The following B4GALNT4 variants were observed in gnomAD, a reference collection of about 807,000 sequenced individuals.
The protein encoded by B4GALNT4 is N-acetyl-beta-glucosaminyl-glycoprotein 4-beta-N-acetylgalactosaminyltransferase 1.
Under a neutral mutation model 110.0 loss-of-function variants are expected in B4GALNT4, and 77 were observed. The observed-to-expected ratio is 0.70, with a 90% CI of 0.58 to 0.85. B4GALNT4 has a LOEUF of 0.85. B4GALNT4 is among the 40% of genes least tolerant of loss of function. B4GALNT4 has a pLI of 0.00. For synonymous variants in B4GALNT4, 785 were observed against 655.5 expected, an observed-to-expected ratio of 1.20 and a Z score of -3.02; for missense variants, 1,575 against 1,506.0, an observed-to-expected ratio of 1.05 and a Z score of -0.76.
At chr11:373,729 C>T (rs1590336050) in intron 7 of B4GALNT4, 21 bp from the exon 8 acceptor site, 2 of 1,611,032 alleles carry the variant, frequency 1.2e-6, no homozygotes, top group Non-Finnish European at 1.7e-6. Context: ...ATGGCACGAC[C>T]CTTGCTCCTC....
At chr11:372,991 G>C in intron 4 of B4GALNT4, 35 bp from the exon 5 acceptor site, 1 of 1,612,454 alleles carries the variant, frequency 6.2e-7, no homozygotes, top group Non-Finnish European at 8.5e-7. Flanking sequence ...AGGGCACGCA[G>C]GGGGCTTCGA....
chr11:380,162 A>G lies in B4GALNT4; in HGVS notation c.2675A>G (p.Glu892Gly). 1 of 1,603,954 alleles carries G rather than the reference A, an allele frequency of 6.2e-7. No homozygotes were observed. Among genetic ancestry groups the G allele is most frequent in the Admixed American group, 1.7e-5 (1 of 59,590 alleles). Residue 892 changes from glutamate (E) to glycine (G), a missense_variant, in exon 17 of 20, where the codon GAG (glutamate) becomes GGG (glycine). Physicochemically the swap from Glu to Gly is moderately conservative, Grantham distance 98. Transcript: ENST00000329962. Reference protein sequence around the residue: ...YQYLRRTGNFERSAGLQAGVD... With the variant: ...YQYLRRTGNFGRSAGLQAGVD... ...TACCTGAGACGAACCGGGAACTTCG[A>G]GCGCTCCGCCGGGCTGCAGGCGGGA... is the stretch of plus-strand genomic sequence containing the variant.
chr11:373,564 G>A (rs1406603077), intron 7 of B4GALNT4, 48 bp downstream of exon 7: 1 of 1,591,710 alleles, frequency 6.3e-7, no homozygotes, highest in Non-Finnish European at 8.6e-7. Context: ...ATTCGTGGGA[G>A]GGGGTTACGC....
In B4GALNT4 at chr11:377,029, G is replaced by C. The variant is rs1400474860; in HGVS notation, c.1906G>C (p.Gly636Arg). The C allele has an allele frequency of 3.5e-6, 5 of 1,439,440 alleles. No homozygotes were observed. Among genetic ancestry groups the C allele is most frequent in the South Asian group, 1.5e-5 (1 of 66,766 alleles). The allele number at this position is 1,439,440 out of a possible 1,614,324, so 89.2% of individuals were successfully genotyped here. The change falls in exon 14 of 20, where the codon GGG becomes CGG. Residue 636 changes from glycine (G) to arginine (R), a missense_variant. Transcript: ENST00000329962. Reference protein sequence around the residue: ...TSFLSLSQVSGPQLPGEGEEE... With the variant: ...TSFLSLSQVSRPQLPGEGEEE... ...CTTCCTGAGCTTGTCCCAGGTGTCC[G>C]GGCCGCAGCTGCCCGGGGAGGGCGA...
intron 6 of B4GALNT4, 47 bp downstream of exon 6, chr11:373,338 A>G: frequency 6.3e-7 from 1 of 1,584,580 alleles, no homozygotes; most frequent in Non-Finnish European, 8.6e-7. Flanking sequence ...CCTGCAGCTC[A>G]GTCACCTGTG....
At chr11:373,419 C>CCCGACA in intron 6 of B4GALNT4, 30 bp from the exon 7 acceptor site, 1 of 1,080,028 alleles carries the variant, frequency 9.3e-7, no homozygotes, top group Non-Finnish European at 1.3e-6. Context: ...CCCCCCCCCC[C>CCCGACA]ACCACCACCC....
chr11:379,969 G>C lies in B4GALNT4; in HGVS notation c.2592G>C (p.Glu864Asp), dbSNP rs773145606. 6 of 1,612,936 alleles carry C rather than the reference G, an allele frequency of 3.7e-6. No individual in the cohort carries two copies. Among genetic ancestry groups the C allele is most frequent in the South Asian group, 2.2e-5 (2 of 91,078 alleles). ...TCAGCGTCGTCCTGGTGGATTTCGAGAGCGAGGATATGGACGTGGAGCGGG... is the reference window on the plus strand; with the variant it reads ...TCAGCGTCGTCCTGGTGGATTTCGACAGCGAGGATATGGACGTGGAGCGGG... ...SRFSVVLVDFESEDMDVERAL... is the reference protein window; with the variant it reads ...SRFSVVLVDFDSEDMDVERAL... The change falls in exon 16 of 20, where the codon GAG becomes GAC. Residue 864 changes from glutamate to aspartate, a missense_variant. Coordinates refer to ENST00000329962, the MANE Select transcript of B4GALNT4 (RefSeq NM_178537.5).
chr11:373,709 C>T (rs757454845), intron 7 of B4GALNT4, 41 bp from the exon 8 acceptor site: 48 of 1,596,840 alleles, frequency 3.0e-5, no homozygotes, highest in Admixed American at 6.7e-5. Context: ...ACTATTTGAG[C>T]GTCCTGTGCA....
chr11:380,516 C>T (rs1846853331), intron 18 of B4GALNT4, 71 bp downstream of exon 18: 11 of 1,523,450 alleles, frequency 7.2e-6, no homozygotes, highest in East Asian at 2.5e-5. Flanking sequence ...TCCAGGAACC[C>T]GGGGCCTCTC....
intron 1 of B4GALNT4, among the ~76,000 whole-genome samples, chr11:370,486 G>A (rs1846597956): frequency 6.6e-6 from 1 of 152,166 alleles, no homozygotes; most frequent in Non-Finnish European, 1.5e-5. Context: ...TGTTGTGGGG[G>A]TCCATGCGTA....
At chr11:375,401 C>CT in intron 8 of B4GALNT4, 60 bp from the exon 9 acceptor site, 1 of 1,567,698 alleles carries the variant, frequency 6.4e-7, no homozygotes. Flanking sequence ...AGGGTAGACC[C>CT]TTTCTTCCCT....
chr11:375,873 G>A lies in B4GALNT4; in HGVS notation c.1012G>A (p.Glu338Lys). ...LTPRMESSSL[E>K]NVLEPCAYAP... Reference sequence around the variant, plus strand: ...TCCACGCATGGAATCTTCGAGCCTGGAGAACGTGCTGGAGCCCTGCGCCTA... The same window carrying A: ...TCCACGCATGGAATCTTCGAGCCTGAAGAACGTGCTGGAGCCCTGCGCCTA... The change falls in exon 11 of 20, where the codon GAG (glutamate) becomes AAG (lysine). Residue 338 changes from glutamate (E) to lysine (K), a missense_variant. Glu to Lys is a moderately conservative substitution (Grantham distance 56). Transcript: ENST00000329962. The A allele has an allele frequency of 1.9e-6, 3 of 1,611,390 alleles. No individual in the cohort carries two copies. The highest frequency in any genetic ancestry group is 2.5e-6 in the Non-Finnish European group (3 of 1,179,436).
At position 380,300 on chromosome 11, in the gene B4GALNT4, C is replaced by A; in HGVS notation, c.2724C>A (p.Ser908Arg). Residue 908 changes from serine (S) to arginine (R), a missense_variant, in exon 18 of 20, where the codon AGC becomes AGA. By Grantham distance (110) the Ser-to-Arg change is moderately radical. Coordinates refer to ENST00000329962, the MANE Select transcript of B4GALNT4 (RefSeq NM_178537.5). Reference sequence around the variant, plus strand: ...CCTCCCGCACCCCCCAGGACGCCAGCAGCATCGTGTTCCTCTGCGACCTGC... The same window carrying A: ...CCTCCCGCACCCCCCAGGACGCCAGAAGCATCGTGTTCCTCTGCGACCTGC... ...QAGVDAVEDA[S>R]SIVFLCDLHI... 1 of 1,613,108 alleles carries A rather than the reference C, an allele frequency of 6.2e-7. No homozygotes were observed. The highest frequency in any genetic ancestry group is 1.3e-5 in the African/African-American group (1 of 75,018).
At chr11:379,843 C>CCG in intron 15 of B4GALNT4, 23 bp from the exon 16 acceptor site, 1 of 1,574,062 alleles carries the variant, frequency 6.4e-7, no homozygotes, top group African/African-American at 1.3e-5. Context: ...GGCTCAGCGC[C>CCG]CCCCCCGCCT....
At chr11:375,565 G>C (rs1185759393) in intron 9 of B4GALNT4, 38 bp downstream of exon 9, 9 of 1,605,928 alleles carry the variant, frequency 5.6e-6, no homozygotes, top group Non-Finnish European at 6.8e-6. Flanking sequence ...GGGCTCCTCG[G>C]GATGGGCTCT....
At chr11:372,278 G>C in intron 2 of B4GALNT4, 66 bp downstream of exon 2, 1 of 1,444,264 alleles carries the variant, frequency 6.9e-7, no homozygotes, top group Non-Finnish European at 9.5e-7. Context: ...TTGTGTGTTG[G>C]TGTCTTGAGA....
Position 381,885 on chromosome 11 carries a change from G to A in B4GALNT4, c.*93G>A. On this transcript the variant is annotated 3_prime_UTR_variant, in exon 20 of 20. Transcript: ENST00000329962. ...CGGTCCCGAGAGACCCGGCAGGGCT[G>A]GTCAGAGGGGCACAGCCACCGCCTG... 1 of 1,375,828 alleles carries A rather than the reference G, an allele frequency of 7.3e-7. No homozygotes were observed. The highest frequency in any genetic ancestry group is 9.5e-7 in the Non-Finnish European group (1 of 1,053,624). The allele number at this position is 1,375,828 out of a possible 1,614,324, so 85.2% of individuals were successfully genotyped here.
At chr11:378,149 G>T (rs746584687) in intron 14 of B4GALNT4, among the ~76,000 whole-genome samples, 1 of 151,828 alleles carries the variant, frequency 6.6e-6, no homozygotes, top group Non-Finnish European at 1.5e-5. Flanking sequence ...GGAAGGTTGC[G>T]AGCAGAGCAA....
In B4GALNT4 at chr11:373,754, A is replaced by G. The variant is rs142526970; in HGVS notation, c.709A>G (p.Met237Val). The G allele has an allele frequency of 9.2e-5, 148 of 1,612,100 alleles. No individual in the cohort carries two copies. The highest frequency in any genetic ancestry group is 1.2e-4 in the Non-Finnish European group (137 of 1,179,826). The change falls in exon 8 of 20, where the codon ATG becomes GTG. Residue 237 changes from methionine (M) to valine (V), a missense_variant. Met to Val is a conservative substitution (Grantham distance 21). Transcript: ENST00000329962. ...SSQVSKPRRL[M>V]ASRRYYFELL... ...CCTTGCTCCTCGTGTCCCCAGGCTC[A>G]TGGCCTCCCGGAGGTACTACTTTGA...
Sources: gnomAD v4.1 joint callset for allele counts (sites outside exome capture counted in the v4.1 genomes callset) on GRCh38, gnomAD v4.1.1 for gene constraint, MANE v1.5 for transcripts, NCBI Gene and HGNC (gene_info 2026-07-23, HGNC 2026-07-21) for gene names.